The following CCDC112 variants were observed in gnomAD, a reference collection of about 807,000 sequenced individuals.
CCDC112 encodes coiled-coil domain containing 112, also known as coiled-coil domain-containing protein 112.
A neutral mutation model predicts 66.3 loss-of-function variants in CCDC112; 40 were observed. The ratio of observed to expected loss-of-function variants is 0.60; its 90% CI spans 0.47 to 0.79. CCDC112 has a LOEUF of 0.79. Ranked by LOEUF, CCDC112 falls within the 30% of genes least tolerant of loss-of-function variation. The pLI is 0.00. For missense variants in CCDC112, 659 were observed against 603.8 expected, an observed-to-expected ratio of 1.09 and a Z score of -0.96; for synonymous variants, 214 against 197.2, an observed-to-expected ratio of 1.09 and a Z score of -0.71.
rs1011264573 is a variant in CCDC112 at position 115,276,002 on chromosome 5, C to T, written c.519G>A (p.Gln173=). 1.3e-6 allele frequency: 2 copies of T among 1,595,976 alleles called. No homozygotes were observed. Among genetic ancestry groups the T allele is most frequent in the Non-Finnish European group, 8.6e-7 (1 of 1,167,516 alleles). ...ENAINTFKEE[Q]RLIYEELIKE... is the part of the protein sequence containing the mutation. ...ATGAGTTTAAAACATACATCAACCTCTGCTCTTCTTTAAAAGTGTTAATTG... is the reference window on the plus strand; with the variant it reads ...ATGAGTTTAAAACATACATCAACCTTTGCTCTTCTTTAAAAGTGTTAATTG... The change falls in exon 5 of 10, where the codon CAG becomes CAA. Residue 173 remains glutamine, a synonymous_variant. Transcript: ENST00000379611.
intron 5 of CCDC112, 48 bp from the exon 6 acceptor site, chr5:115,275,654 C>T (rs766643859): frequency 1.2e-5 from 16 of 1,333,870 alleles, no homozygotes; most frequent in Non-Finnish European, 1.6e-5. Flanking sequence ...TCCATATTAA[C>T]CCTTAATTTT....
Position 115,268,905 on chromosome 5 carries a change from C to T in CCDC112, c.1524G>A (p.Gly508=). The stretch of plus-strand genomic sequence containing the variant: ...ACCTATGTGGGATATGTAGAAGTGG[C>T]CCAGAGCCTGTTGGTCCTATCTTTT... ...RTKKIGPTGS[G]PLLHIPHRAI... Residue 508 remains glycine, a synonymous_variant, in exon 9 of 10, where the codon GGG becomes GGA. Transcript: ENST00000379611. The T allele has an allele frequency of 1.2e-6, 2 of 1,602,898 alleles. No homozygotes were observed. Among genetic ancestry groups the T allele is most frequent in the East Asian group, 2.3e-5 (1 of 43,692 alleles).
intron 1 of CCDC112, chr5:115,295,909 C>T (rs961938174): frequency 1.0e-6 from 1 of 985,516 alleles, no homozygotes; most frequent in African/African-American, 1.7e-5. Context: ...AACAAAGATA[C>T]CTTGTCCTCA....
rs117741585 is a variant in CCDC112 at position 115,288,432 on chromosome 5, C to A, written c.118-3524G>T. 1.5e-3 allele frequency among the ~76,000 whole-genome samples: 236 copies of A among 152,300 alleles called. 6 individuals are homozygous for A. In the East Asian group the frequency reaches 0.043, roughly 28 times the overall value. On this transcript the variant is annotated intron_variant, in intron 1 of 9. Coordinates refer to ENST00000379611, the MANE Select transcript of CCDC112 (RefSeq NM_001040440.3). ...TCACAATTTAATACCATATACACTA[C>A]AAACTCTAATTTTCAGTCTTTCACA...
intron 1 of CCDC112, among the ~76,000 whole-genome samples, chr5:115,289,534 T>C (rs925111419): frequency 6.6e-6 from 1 of 152,236 alleles, no homozygotes; most frequent in Non-Finnish European, 1.5e-5. Context: ...TGGAAATTCT[T>C]ACTCTATTTT....
intron 6 of CCDC112, 88 bp from the exon 7 acceptor site, chr5:115,271,714 T>C: frequency 3.5e-6 from 3 of 852,080 alleles, no homozygotes; most frequent in South Asian, 2.3e-5. Context: ...TCCATCTTTC[T>C]AGAAAGAATA....
At position 115,273,902 on chromosome 5, in the gene CCDC112, C is replaced by T. The variant is rs547260970; in HGVS notation, c.918+1314G>A. Among the ~76,000 whole-genome samples the T allele has an allele frequency of 3.3e-5, 5 of 152,134 alleles. No homozygotes were observed. The East Asian group carries it at 5.8e-4, about 18-fold the overall frequency. ...TGTTTCAAACATTTTTCTTAAAACCCGAGAAGTCAATTTCCCTACATTCAA... is the reference window on the plus strand; with the variant it reads ...TGTTTCAAACATTTTTCTTAAAACCTGAGAAGTCAATTTCCCTACATTCAA... On this transcript the variant is annotated intron_variant, in intron 6 of 9. Transcript: ENST00000379611.
intron 3 of CCDC112, among the ~76,000 whole-genome samples, chr5:115,279,076 G>A (rs1437994322): frequency 6.6e-6 from 1 of 152,100 alleles, no homozygotes; most frequent in African/African-American, 2.4e-5. Flanking sequence ...AAAGAACATA[G>A]TCATGTACAA....
chr5:115,282,733 T>G (rs1347437047), intron 2 of CCDC112, among the ~76,000 whole-genome samples: 1 of 152,168 alleles, frequency 6.6e-6, no homozygotes, highest in African/African-American at 2.4e-5. Flanking sequence ...GGAAAGGAAC[T>G]GGGTGGCTTG....
At chr5:115,288,054 C>T (rs1312903956) in intron 1 of CCDC112, among the ~76,000 whole-genome samples, 2 of 151,458 alleles carry the variant, frequency 1.3e-5, no homozygotes, top group East Asian at 1.9e-4. Context: ...CATATTGGCT[C>T]GCTGCAACCT....
intron 1 of CCDC112, chr5:115,295,835 G>A: frequency 1.1e-6 from 1 of 937,938 alleles, no homozygotes; most frequent in Non-Finnish European, 1.3e-6. Context: ...GGGACTGGGT[G>A]TGCCGCGTAA....
chr5:115,279,515 TAA>T lies in CCDC112; in HGVS notation c.361+130_361+131del, dbSNP rs1267636652. ...TTTACCAACTAAAATACAGAGAATATAACACAGTCAATAGAGAACTGACTCTA... is the reference window on the plus strand; with the variant it reads ...TTTACCAACTAAAATACAGAGAATATCACAGTCAATAGAGAACTGACTCTA... On this transcript the variant is annotated intron_variant, in intron 3 of 9. Transcript: ENST00000379611. 25 of 903,860 alleles carry T rather than the reference TAA, an allele frequency of 2.8e-5. 1 individual carries two copies. The highest frequency in any genetic ancestry group is 3.2e-5 in the Non-Finnish European group (19 of 586,694). 56.0% of individuals were successfully genotyped at this position (903,860 alleles called of 1,614,324 possible).
chr5:115,272,431 G>A (rs1264824549), intron 6 of CCDC112, among the ~76,000 whole-genome samples: 1 of 152,158 alleles, frequency 6.6e-6, no homozygotes, highest in African/African-American at 2.4e-5. Context: ...CATTTACTAG[G>A]TGTGGCATTG....
At chr5:115,271,130 A>G in intron 7 of CCDC112, 83 bp downstream of exon 7, 4 of 1,289,034 alleles carry the variant, frequency 3.1e-6, no homozygotes, top group Non-Finnish European at 4.3e-6. Flanking sequence ...ATATACAAAT[A>G]CTCAATTTTT....
intron 1 of CCDC112, chr5:115,295,896 C>T: frequency 6.1e-6 from 6 of 985,610 alleles, no homozygotes; most frequent in Non-Finnish European, 7.2e-6. Context: ...CTGATAACAT[C>T]TGAACAAAGA....
chr5:115,276,223 T>C (rs1016679928), intron 4 of CCDC112, among the ~76,000 whole-genome samples, 154 bp from the exon 5 acceptor site: 2 of 152,220 alleles, frequency 1.3e-5, no homozygotes, highest in Non-Finnish European at 2.9e-5. Flanking sequence ...TTTTTATGAT[T>C]GCTATTTTTT....
rs1750175069 is a variant in CCDC112 at position 115,296,649 on chromosome 5, C to T, written c.-106G>A. 4 of 1,002,094 alleles carry T rather than the reference C, an allele frequency of 4.0e-6. No individual in the cohort carries two copies. The highest frequency in any genetic ancestry group is 4.8e-6 in the Non-Finnish European group (4 of 825,510). 62.1% of individuals were successfully genotyped at this position (1,002,094 alleles called of 1,614,324 possible). A position where few individuals can be genotyped will look rare whatever the true frequency, so the allele number is the denominator to read the frequency against. On this transcript the variant is annotated 5_prime_UTR_variant, in exon 1 of 10. Transcript: ENST00000379611. ...CAGCTCCCTGCGCTGCGGGCTTGGC[C>T]GGGATGCAGGGCGGGGCCGAGATGT...
intron 1 of CCDC112, among the ~76,000 whole-genome samples, chr5:115,295,270 C>T (rs1750100710): frequency 6.6e-6 from 1 of 152,124 alleles, no homozygotes; most frequent in African/African-American, 2.4e-5. Context: ...AAATGCAGAT[C>T]AGAAGACAGA....
intron 1 of CCDC112, among the ~76,000 whole-genome samples, chr5:115,292,078 C>T (rs1244839930): frequency 6.6e-6 from 1 of 152,066 alleles, no homozygotes; most frequent in African/African-American, 2.4e-5. Context: ...CTTCAAATAT[C>T]GGTTTTCCTC....
Sources: gnomAD v4.1 joint callset for allele counts (sites outside exome capture counted in the v4.1 genomes callset) on GRCh38, gnomAD v4.1.1 for gene constraint, MANE v1.5 for transcripts, NCBI Gene and HGNC (gene_info 2026-07-23, HGNC 2026-07-21) for gene names.